The following SYT17 variants were observed in gnomAD, a reference collection of about 807,000 sequenced individuals.
SYT17 encodes synaptotagmin-17.
In SYT17, 22 loss-of-function variants were observed where a neutral mutation model predicts 46.7. The observed-to-expected ratio is 0.47, with a 90% CI of 0.34 to 0.67. The LOEUF is 0.67. Among genes scored for constraint, SYT17 ranks in the 30% least tolerant of loss-of-function variants. The probability of loss-of-function intolerance (pLI) is 0.01; values close to 1 mark genes in which losing one functional copy is unlikely to be tolerated. For synonymous variants in SYT17, 251 were observed against 248.4 expected, an observed-to-expected ratio of 1.01 and a Z score of -0.10; for missense variants, 519 against 612.8, an observed-to-expected ratio of 0.85 and a Z score of 1.62.
At chr16:19,211,444 G>T (rs1428825915) in intron 5 of SYT17, 2 of 703,792 alleles carry the variant, frequency 2.8e-6, no homozygotes, top group Non-Finnish European at 2.6e-6. Flanking sequence ...TGCCTTTATG[G>T]AGAAAAAGGT....
At chr16:19,175,092 G>T (rs976605160) in intron 3 of SYT17, among the ~76,000 whole-genome samples, 9 of 152,178 alleles carry the variant, frequency 5.9e-5, no homozygotes, top group Non-Finnish European at 1.2e-4. Flanking sequence ...TTGCGCCACT[G>T]CACTCCAGCC....
chr16:19,265,348 TC>T (rs1236675421), intron 7 of SYT17, among the ~76,000 whole-genome samples: 2 of 152,376 alleles, frequency 1.3e-5, no homozygotes, highest in East Asian at 3.9e-4. Flanking sequence ...CCAATTTTTC[TC>T]CACAGAGCTG....
intron 7 of SYT17, among the ~76,000 whole-genome samples, chr16:19,252,739 G>A (rs560849217): frequency 1.3e-5 from 2 of 150,690 alleles, no homozygotes; most frequent in Admixed American, 6.7e-5. Flanking sequence ...TCTCAAACCC[G>A]GCTACACATT....
At chr16:19,232,800 C>G (rs1966749707) in intron 7 of SYT17, among the ~76,000 whole-genome samples, 1 of 151,934 alleles carries the variant, frequency 6.6e-6, no homozygotes, top group Admixed American at 6.6e-5. Context: ...GCACTGCACT[C>G]CAGTCTAGGT....
At chr16:19,256,266 G>C (rs56043504) in intron 7 of SYT17, among the ~76,000 whole-genome samples, 78,718 of 151,430 alleles carry the variant, frequency 0.52, 21,791 homozygotes, top group South Asian at 0.64. Flanking sequence ...ACTGAACAGG[G>C]AGCCACTCAT....
intron 7 of SYT17, among the ~76,000 whole-genome samples, chr16:19,241,390 G>A (rs1397624597): frequency 6.6e-6 from 1 of 151,968 alleles, no homozygotes; most frequent in Non-Finnish European, 1.5e-5. Context: ...TAGATGCCTG[G>A]GTCTGCAGCT....
chr16:19,202,911 A>G (rs1965521025), intron 5 of SYT17, among the ~76,000 whole-genome samples: 1 of 152,048 alleles, frequency 6.6e-6, no homozygotes, highest in African/African-American at 2.4e-5. Flanking sequence ...TATTTTTTGT[A>G]GAGATGGGGT....
At chr16:19,264,820 C>T (rs139963082) in intron 7 of SYT17, among the ~76,000 whole-genome samples, 1,956 of 152,150 alleles carry the variant, frequency 0.013, 48 homozygotes, top group African/African-American at 0.045. Flanking sequence ...TCTCAGACTC[C>T]TGGGCTCAAG....
chr16:19,208,762 G>T (rs150102084), intron 5 of SYT17, among the ~76,000 whole-genome samples: 1 of 151,910 alleles, frequency 6.6e-6, no homozygotes, highest in East Asian at 1.9e-4. Flanking sequence ...TCATCTTCAC[G>T]TGGTATTCTC....
chr16:19,183,665 T>C lies in SYT17; in HGVS notation c.469T>C (p.Phe157Leu), dbSNP rs923801508. ...TYNPDDYFRK[F>L]EPHLYSLDSN... The stretch of plus-strand genomic sequence containing the variant: ...TAACCCCGACGACTATTTCAGGAAG[T>C]TCGAACCCCACCTGTACTCCCTCGA... Residue 157 changes from phenylalanine (F) to leucine (L), a missense_variant, in exon 5 of 8, where the codon TTC (phenylalanine) becomes CTC (leucine). By Grantham distance (22) the Phe-to-Leu change is conservative. Coordinates refer to ENST00000355377, the MANE Select transcript of SYT17 (RefSeq NM_016524.4). This position sits in a 1 kb window ranked among gnomAD's most constrained non-coding sequence, Gnocchi z 5.6. 3 of 1,614,046 alleles carry C rather than the reference T, an allele frequency of 1.9e-6. No homozygotes were observed. In the African/African-American group the frequency reaches 4.0e-5, roughly 22 times the overall value.
chr16:19,192,399 C>T (rs1006732987), intron 5 of SYT17, among the ~76,000 whole-genome samples: 12 of 151,944 alleles, frequency 7.9e-5, no homozygotes, highest in African/African-American at 2.7e-4. Flanking sequence ...CCAGTCTGGA[C>T]AGCAGAGCGA....
At chr16:19,224,281 A>T (rs1460961053) in intron 6 of SYT17, among the ~76,000 whole-genome samples, 1 of 152,142 alleles carries the variant, frequency 6.6e-6, no homozygotes, top group African/African-American at 2.4e-5. Flanking sequence ...TCTTATCTGT[A>T]AAATGAACAC....
chr16:19,249,732 CTTTG>C (rs779875183), intron 7 of SYT17, among the ~76,000 whole-genome samples: 1 of 152,088 alleles, frequency 6.6e-6, no homozygotes, highest in Non-Finnish European at 1.5e-5. Flanking sequence ...ACCGTTGAAC[CTTTG>C]TTTGGTGTTT....
chr16:19,194,687 T>C (rs1392620664), intron 5 of SYT17, among the ~76,000 whole-genome samples: 1 of 152,222 alleles, frequency 6.6e-6, no homozygotes, highest in Non-Finnish European at 1.5e-5. Context: ...CTCAAACTCC[T>C]GGGCTCAAGT....
chr16:19,219,960 G>A (rs909171358), intron 5 of SYT17, among the ~76,000 whole-genome samples: 1 of 152,190 alleles, frequency 6.6e-6, no homozygotes, highest in African/African-American at 2.4e-5. Context: ...CTGGGCTCCT[G>A]AGAATTCTCC....
Position 19,170,277 on chromosome 16 carries a change from A to G in SYT17, c.15+1616A>G, listed in dbSNP as rs117893827. 2.6e-5 allele frequency: 4 copies of G among 151,892 alleles called. No homozygotes were observed. The East Asian group carries it at 7.7e-4, about 29-fold the overall frequency. The allele number at this position is 151,892 out of a possible 1,614,324, so 9.4% of individuals were successfully genotyped here. On this transcript the variant is annotated intron_variant, in intron 1 of 7. Transcript: ENST00000355377. ...GCAGGCACCAAAATTTGAATTTTGT[A>G]TACTTTGCACGAGTCAAGAGGCATT...
chr16:19,253,015 G>C (rs12447752), intron 7 of SYT17, among the ~76,000 whole-genome samples: 11 of 152,076 alleles, frequency 7.2e-5, no homozygotes, highest in Non-Finnish European at 1.3e-4. Context: ...CAGGTTTCCA[G>C]GTGATGCTGC....
intron 7 of SYT17, among the ~76,000 whole-genome samples, chr16:19,232,251 G>A (rs563097079): frequency 1.2e-4 from 15 of 129,716 alleles, no homozygotes; most frequent in African/African-American, 5.2e-4. Flanking sequence ...AAAGAAACAA[G>A]GCAATGACAG....
chr16:19,224,872 G>A (rs780213272), intron 7 of SYT17, 34 bp downstream of exon 7: 1 of 1,611,438 alleles, frequency 6.2e-7, no homozygotes, highest in Non-Finnish European at 8.5e-7. Flanking sequence ...TGAACTCCAG[G>A]TGAGGCACGT....
Sources: gnomAD v4.1 joint callset for allele counts (sites outside exome capture counted in the v4.1 genomes callset) on GRCh38, gnomAD v4.1.1 for gene constraint, Gnocchi (gnomAD v3.1) non-coding constraint, MANE v1.5 for transcripts, NCBI Gene and HGNC (gene_info 2026-07-23, HGNC 2026-07-21) for gene names.